Variants in PIGU observed in about 807,000 individuals in gnomAD.
PIGU encodes phosphatidylinositol glycan anchor biosynthesis class U.
In PIGU, 24 loss-of-function variants were observed where a neutral mutation model predicts 49.9. The ratio of observed to expected loss-of-function variants is 0.48; its 90% CI spans 0.35 to 0.68. The LOEUF (loss-of-function observed/expected upper bound fraction) is 0.68. Among genes scored for constraint, PIGU ranks in the 30% least tolerant of loss-of-function variants. The pLI, the probability that PIGU is intolerant of heterozygous loss-of-function variation, is 0.01. For synonymous variants in PIGU, 220 were observed against 205.7 expected, an observed-to-expected ratio of 1.07 and a Z score of -0.59; for missense variants, 490 against 532.6, an observed-to-expected ratio of 0.92 and a Z score of 0.79.
chr20:34,650,700 CTTTTTTTTTTTTTTTTTTT>C (rs59998699), intron 2 of PIGU, among the ~76,000 whole-genome samples: 2 of 38,776 alleles, frequency 5.2e-5, no homozygotes, highest in African/African-American at 1.2e-4. Flanking sequence ...CTTTTTTTCT[CTTTTTTTTTTTTTTTTTTT>C]TTTTTTTTTT....
chr20:34,677,091 C>G lies in PIGU; in HGVS notation c.-6G>C, dbSNP rs763219296. ...AGGACCAAGGGAGCCGCCATGATAACTGGGGCGGGCGCGCGGGCGGGGAGG... is the reference window on the plus strand; with the variant it reads ...AGGACCAAGGGAGCCGCCATGATAAGTGGGGCGGGCGCGCGGGCGGGGAGG... On this transcript the variant is annotated 5_prime_UTR_variant, in exon 1 of 12. Coordinates refer to ENST00000217446, the MANE Select transcript of PIGU (RefSeq NM_080476.5). 6.4e-7 allele frequency: 1 copy of G among 1,557,066 alleles called. No homozygotes were observed. Among genetic ancestry groups the G allele is most frequent in the African/African-American group, 1.4e-5 (1 of 73,590 alleles).
At chr20:34,608,434 G>C (rs1171474952) in intron 7 of PIGU, among the ~76,000 whole-genome samples, 2 of 152,178 alleles carry the variant, frequency 1.3e-5, no homozygotes, top group African/African-American at 2.4e-5. Flanking sequence ...TTGATGCTCA[G>C]AAATTCCCAA....
chr20:34,659,238 T>C (rs1986837429), intron 1 of PIGU, among the ~76,000 whole-genome samples: 1 of 97,546 alleles, frequency 1.0e-5, no homozygotes, highest in Non-Finnish European at 2.2e-5. Flanking sequence ...AGCCGCCCCG[T>C]CCGGGAGGGA....
intron 1 of PIGU, among the ~76,000 whole-genome samples, chr20:34,659,286 G>A (rs1191864405): frequency 1.4e-4 from 20 of 138,518 alleles, no homozygotes; most frequent in Admixed American, 8.4e-4. Flanking sequence ...CAGCCACCCC[G>A]TCCGGGAGGG....
rs190106270 is a variant in PIGU at position 34,622,513 on chromosome 20, T to C, written c.530-6374A>G. Among the ~76,000 whole-genome samples, 260 of 150,920 alleles carry C rather than the reference T, an allele frequency of 1.7e-3. 1 individual carries two copies. The highest frequency in any genetic ancestry group is 2.8e-3 in the Non-Finnish European group (188 of 67,786). Reference sequence around the variant, plus strand: ...GCCTGGGAGACACAGCAAGAGTCCGTCTCAAAAAAAACAAAAACAAAAAAA... The same window carrying C: ...GCCTGGGAGACACAGCAAGAGTCCGCCTCAAAAAAAACAAAAACAAAAAAA... On this transcript the variant is annotated intron_variant, in intron 6 of 11. Transcript: ENST00000217446.
intron 7 of PIGU, among the ~76,000 whole-genome samples, chr20:34,601,807 C>T (rs1352110324): frequency 6.6e-6 from 1 of 152,188 alleles, no homozygotes; most frequent in East Asian, 1.9e-4. Context: ...CCAAAGACCA[C>T]CCAGTCTGTG....
intron 2 of PIGU, among the ~76,000 whole-genome samples, chr20:34,646,988 C>T (rs1196870614): frequency 6.6e-6 from 1 of 151,828 alleles, no homozygotes; most frequent in African/African-American, 2.4e-5. Flanking sequence ...CCACACCCAG[C>T]TAATTTTTTT....
chr20:34,646,859 G>A (rs560069712), intron 2 of PIGU, among the ~76,000 whole-genome samples: 7 of 151,114 alleles, frequency 4.6e-5, no homozygotes, highest in African/African-American at 1.7e-4. Context: ...CTCTCGCACT[G>A]TTGCCAGGGC....
At chr20:34,638,034 T>C in intron 4 of PIGU, 49 bp from the exon 5 acceptor site, 1 of 1,543,476 alleles carries the variant, frequency 6.5e-7, no homozygotes, top group African/African-American at 1.4e-5. Context: ...AACAATTCAC[T>C]TCCCATTGTT....
chr20:34,579,180 T>C (rs937634475), intron 10 of PIGU: 1 of 152,228 alleles, frequency 6.6e-6, no homozygotes, highest in South Asian at 2.1e-4. Flanking sequence ...TTTATCGCTA[T>C]ACAATAGTAA....
At chr20:34,673,254 A>G (rs1170038653) in intron 1 of PIGU, among the ~76,000 whole-genome samples, 1 of 50,726 alleles carries the variant, frequency 2.0e-5, no homozygotes, top group Non-Finnish European at 4.1e-5. Context: ...ACTCCGTCTC[A>G]AAAAAAAAAA....
At chr20:34,647,927 T>C (rs1388345113) in intron 2 of PIGU, among the ~76,000 whole-genome samples, 2 of 152,142 alleles carry the variant, frequency 1.3e-5, no homozygotes, top group African/African-American at 2.4e-5. Context: ...TTGGTCTGTT[T>C]GTTCTTTCAC....
At chr20:34,655,004 C>A (rs868552817) in intron 2 of PIGU, among the ~76,000 whole-genome samples, 143 of 76,422 alleles carry the variant, frequency 1.9e-3, no homozygotes, top group Admixed American at 2.1e-3. Context: ...GACTCTGTCT[C>A]AAAAAAAAAA....
chr20:34,658,264 G>A (rs1407827828), intron 1 of PIGU, among the ~76,000 whole-genome samples: 1 of 152,376 alleles, frequency 6.6e-6, no homozygotes, highest in Middle Eastern at 3.4e-3. Context: ...CGAGGTGCCG[G>A]GATTGCAGAC....
chr20:34,597,571 T>C (rs1984249493), intron 7 of PIGU, among the ~76,000 whole-genome samples: 1 of 152,216 alleles, frequency 6.6e-6, no homozygotes, highest in Non-Finnish European at 1.5e-5. Flanking sequence ...CACTTCATGG[T>C]ATGTAAATTC....
chr20:34,652,355 C>G (rs961099601), intron 2 of PIGU, among the ~76,000 whole-genome samples: 3 of 152,154 alleles, frequency 2.0e-5, no homozygotes, highest in Non-Finnish European at 4.4e-5. Flanking sequence ...CCATTACAGT[C>G]AAGAAAGTGA....
intron 8 of PIGU, 52 bp downstream of exon 8, chr20:34,588,401 G>GAACCCTT: frequency 6.6e-7 from 1 of 1,526,612 alleles, no homozygotes; most frequent in Non-Finnish European, 8.9e-7. Flanking sequence ...AGTATACAAG[G>GAACCCTT]GTTCCCTTTT....
At chr20:34,593,481 A>C (rs1025248844) in intron 7 of PIGU, among the ~76,000 whole-genome samples, 2 of 152,238 alleles carry the variant, frequency 1.3e-5, no homozygotes, top group Non-Finnish European at 2.9e-5. Context: ...TGAAATATAA[A>C]ACCTCTATAA....
chr20:34,585,675 G>C, intron 8 of PIGU, 95 bp from the exon 9 acceptor site: 1 of 1,421,024 alleles, frequency 7.0e-7, no homozygotes, highest in Non-Finnish European at 9.7e-7. Flanking sequence ...GTCACTGCTG[G>C]GCAGCCAAGG....
Sources: allele counts gnomAD v4.1 joint callset (sites outside exome capture counted in the v4.1 genomes callset), GRCh38; gene constraint gnomAD v4.1.1; transcripts MANE v1.5; gene names NCBI Gene and HGNC (gene_info 2026-07-23, HGNC 2026-07-21).